Variants in SLIT3 observed in about 807,000 individuals in gnomAD.
The protein encoded by SLIT3 is slit homolog 3 protein.
Under a neutral mutation model 184.0 loss-of-function variants are expected in SLIT3, and 68 were observed. The observed-to-expected ratio is 0.37, with a 90% CI of 0.30 to 0.45. The LOEUF is 0.45. Among genes scored for constraint, SLIT3 ranks in the 20% least tolerant of loss-of-function variants. The pLI, the probability that SLIT3 is intolerant of heterozygous loss-of-function variation, is 1.00. For missense variants in SLIT3, 1,707 were observed against 2,026.0 expected (o/e 0.84, Z 3.02); for synonymous variants, 831 against 828.6 (o/e 1.00, Z -0.05).
At chr5:169,043,511 C>T (rs563241614) in intron 4 of SLIT3, among the ~76,000 whole-genome samples, 2 of 152,198 alleles carry the variant, frequency 1.3e-5, no homozygotes, top group African/African-American at 4.8e-5. Context: ...CATGAAAATA[C>T]TTTGTTCCCT....
chr5:169,189,877 C>T (rs966763645), intron 4 of SLIT3, among the ~76,000 whole-genome samples: 88 of 152,086 alleles, frequency 5.8e-4, no homozygotes, highest in African/African-American at 2.1e-3. Context: ...CAGAACAGCA[C>T]CTGGCACTCA....
At chr5:168,737,206 C>A (rs1170488178) in intron 20 of SLIT3, among the ~76,000 whole-genome samples, 1 of 152,126 alleles carries the variant, frequency 6.6e-6, no homozygotes, top group Non-Finnish European at 1.5e-5. Context: ...CCTTCTCCTG[C>A]CTGCATGTCT....
intron 12 of SLIT3, among the ~76,000 whole-genome samples, chr5:168,780,785 C>A (rs1235016355): frequency 6.6e-6 from 1 of 152,188 alleles, no homozygotes; most frequent in Non-Finnish European, 1.5e-5. Context: ...GGACCACTCT[C>A]CCACCTTAGA....
intron 3 of SLIT3, among the ~76,000 whole-genome samples, chr5:169,233,170 T>G (rs1057497288): frequency 6.6e-6 from 1 of 151,994 alleles, no homozygotes; most frequent in African/African-American, 2.4e-5. Flanking sequence ...GGACTACAGG[T>G]GCGCACCACC....
Position 168,874,903 on chromosome 5 carries a change from C to T in SLIT3, c.485+8362G>A, listed in dbSNP as rs529874810. Among the ~76,000 whole-genome samples the T allele has an allele frequency of 1.3e-4, 20 of 152,306 alleles. 1 individual carries two copies. Among genetic ancestry groups the T allele is most frequent in the African/African-American group, 4.8e-4 (20 of 41,568 alleles). On this transcript the variant is annotated intron_variant, in intron 5 of 35. Transcript: ENST00000519560. ...GGGCGTGCTTATCCTGTGATATATGCTTGCTGTGCATGTCTCCCCCTGTAG... is the reference window on the plus strand; with the variant it reads ...GGGCGTGCTTATCCTGTGATATATGTTTGCTGTGCATGTCTCCCCCTGTAG...
intron 4 of SLIT3, among the ~76,000 whole-genome samples, chr5:168,929,572 AG>A (rs1761925669): frequency 6.6e-6 from 1 of 152,200 alleles, no homozygotes; most frequent in South Asian, 2.1e-4. Context: ...GCAGAAAGAG[AG>A]GGTCAATTCT....
intron 3 of SLIT3, among the ~76,000 whole-genome samples, chr5:169,233,268 C>T (rs570766032): frequency 7.2e-5 from 11 of 152,188 alleles, no homozygotes; most frequent in African/African-American, 2.4e-4. Context: ...CGTGATCTGC[C>T]CACCTCGGCT....
intron 7 of SLIT3, among the ~76,000 whole-genome samples, chr5:168,821,994 C>T (rs940976234): frequency 6.6e-6 from 1 of 152,152 alleles, no homozygotes; most frequent in African/African-American, 2.4e-5. Context: ...ACTTTATGAG[C>T]ATTAAAATCT....
At chr5:168,868,622 C>T (rs1185639583) in intron 5 of SLIT3, among the ~76,000 whole-genome samples, 2 of 151,638 alleles carry the variant, frequency 1.3e-5, no homozygotes, top group Admixed American at 6.6e-5. Flanking sequence ...GTGGCGGGCA[C>T]CTGTAATCCT....
chr5:169,217,150 A>AC (rs1554108164), intron 3 of SLIT3, among the ~76,000 whole-genome samples: 65 of 149,510 alleles, frequency 4.3e-4, no homozygotes, highest in East Asian at 1.6e-3. Flanking sequence ...AAAAAAAAAA[A>AC]AACTTAGACT....
intron 32 of SLIT3, among the ~76,000 whole-genome samples, chr5:168,678,218 G>A (rs1020193457): frequency 6.6e-6 from 1 of 152,220 alleles, no homozygotes; most frequent in Non-Finnish European, 1.5e-5. Flanking sequence ...TATAATGGCT[G>A]AAGCCAGTGT....
chr5:168,970,046 T>G (rs147055831), intron 4 of SLIT3, among the ~76,000 whole-genome samples: 6,039 of 152,184 alleles, frequency 0.04, 157 homozygotes, highest in Middle Eastern at 0.065. Context: ...CCGGGTGTGG[T>G]GGCAGGCGCC....
At chr5:168,758,428 C>T (rs570810911) in intron 16 of SLIT3, among the ~76,000 whole-genome samples, 10 of 152,300 alleles carry the variant, frequency 6.6e-5, no homozygotes, top group Non-Finnish European at 1.0e-4. Flanking sequence ...ATCTGCCTCA[C>T]GCCCACAGGC....
Position 168,725,398 on chromosome 5 carries a change from G to C in SLIT3, c.2271-914C>G, listed in dbSNP as rs916265125. 3.3e-5 allele frequency among the ~76,000 whole-genome samples: 5 copies of C among 152,212 alleles called. No individual in the cohort carries two copies. The South Asian group carries it at 6.2e-4, about 19-fold the overall frequency. On this transcript the variant is annotated intron_variant, in intron 20 of 35. Transcript: ENST00000519560. ...CCTCAAGTGGGGACATGCCACCCTT[G>C]CTGTAAACCCCTTTCTCCAGGCTTT...
chr5:169,017,376 G>T (rs762593624), intron 4 of SLIT3, among the ~76,000 whole-genome samples: 4 of 152,186 alleles, frequency 2.6e-5, no homozygotes, highest in African/African-American at 7.2e-5. Context: ...GGCACTGAAG[G>T]TCCCTAATAC....
At chr5:168,900,243 C>T (rs933392174) in intron 4 of SLIT3, among the ~76,000 whole-genome samples, 1 of 152,158 alleles carries the variant, frequency 6.6e-6, no homozygotes, top group Non-Finnish European at 1.5e-5. Context: ...TCTCAAAGAA[C>T]TAAAAATAGA....
intron 4 of SLIT3, among the ~76,000 whole-genome samples, chr5:169,013,876 T>C (rs1756260072): frequency 6.6e-6 from 1 of 152,244 alleles, no homozygotes; most frequent in South Asian, 2.1e-4. Flanking sequence ...GGTTTATAGA[T>C]CTGCATACTT....
At chr5:169,254,147 A>G (rs996906540) in intron 1 of SLIT3, among the ~76,000 whole-genome samples, 2 of 152,188 alleles carry the variant, frequency 1.3e-5, no homozygotes, top group Non-Finnish European at 2.9e-5. Flanking sequence ...CTGGGCCTGC[A>G]TGCTTTGTAG....
At chr5:169,048,350 C>A (rs371602345) in intron 4 of SLIT3, among the ~76,000 whole-genome samples, 1 of 152,178 alleles carries the variant, frequency 6.6e-6, no homozygotes, top group African/African-American at 2.4e-5. Context: ...CCAGGCATAA[C>A]GGAAGCATTC....
Sources: allele counts gnomAD v4.1 joint callset (sites outside exome capture counted in the v4.1 genomes callset), GRCh38; gene constraint gnomAD v4.1.1; transcripts MANE v1.5; gene names NCBI Gene and HGNC (gene_info 2026-07-23, HGNC 2026-07-21).